Variants in UNC13C observed in about 807,000 individuals in gnomAD.
UNC13C encodes protein unc-13 homolog C.
In UNC13C, 174 loss-of-function variants were observed where a neutral mutation model predicts 245.4. That is an observed-to-expected ratio of 0.71 (90% confidence interval 0.63 to 0.80). The LOEUF (loss-of-function observed/expected upper bound fraction) is 0.80, where lower values mean the gene tolerates loss of function less well. UNC13C is among the 30% of genes least tolerant of loss of function. The probability of loss-of-function intolerance (pLI) is 0.00; values close to 1 mark genes in which losing one functional copy is unlikely to be tolerated. For missense variants in UNC13C, 2,829 were observed against 2,602.9 expected, an observed-to-expected ratio of 1.09 and a Z score of -1.89; for synonymous variants, 992 against 895.1, an observed-to-expected ratio of 1.11 and a Z score of -1.93.
At chr15:54,360,873 G>C (rs1027014162) in intron 17 of UNC13C, among the ~76,000 whole-genome samples, 1 of 152,138 alleles carries the variant, frequency 6.6e-6, no homozygotes, top group Non-Finnish European at 1.5e-5. Flanking sequence ...GTTCTCTGCT[G>C]TTGCTGTTTT....
At chr15:54,551,099 C>G (rs557848898) in intron 28 of UNC13C, among the ~76,000 whole-genome samples, 5 of 152,088 alleles carry the variant, frequency 3.3e-5, no homozygotes, top group African/African-American at 7.2e-5. Flanking sequence ...AGGGGTAACT[C>G]TGGTTTCTGT....
chr15:53,973,381 A>T (rs939207862), upstream of UNC13C, among the ~76,000 whole-genome samples: 5 of 152,122 alleles, frequency 3.3e-5, no homozygotes, highest in African/African-American at 1.2e-4. Flanking sequence ...ATCTCATTTG[A>T]TTCATCAGCA....
At chr15:54,078,974 A>C (rs1898785857) in intron 2 of UNC13C, among the ~76,000 whole-genome samples, 1 of 152,026 alleles carries the variant, frequency 6.6e-6, no homozygotes, top group South Asian at 2.1e-4. Flanking sequence ...ACCCATCTTG[A>C]GTTAATTTTT....
chr15:54,616,780 G>C (rs1002538202), intron 30 of UNC13C, among the ~76,000 whole-genome samples: 1 of 152,032 alleles, frequency 6.6e-6, no homozygotes, highest in Non-Finnish European at 1.5e-5. Context: ...TAGAGAGTCT[G>C]CAGGGGGTAC....
chr15:54,297,368 A>C (rs546374904), intron 11 of UNC13C, among the ~76,000 whole-genome samples: 1 of 152,214 alleles, frequency 6.6e-6, no homozygotes, highest in East Asian at 1.9e-4. Context: ...GCATTTTTAA[A>C]TAGAGACAGG....
At chr15:53,988,992 C>T (rs942090090) in intron 1 of UNC13C, among the ~76,000 whole-genome samples, 1 of 151,842 alleles carries the variant, frequency 6.6e-6, no homozygotes, top group Non-Finnish European at 1.5e-5. Context: ...GCTAGATTCC[C>T]CTTGAATATA....
chr15:54,444,608 C>T (rs868130752), intron 19 of UNC13C, among the ~76,000 whole-genome samples: 4 of 151,488 alleles, frequency 2.6e-5, no homozygotes, highest in Admixed American at 2.6e-4. Flanking sequence ...CTTTGTTTCA[C>T]TTTTTCTCTC....
rs1405067313 is a variant in UNC13C at position 54,473,438 on chromosome 15, C to G, written c.4934-21170C>G. 2.6e-5 allele frequency among the ~76,000 whole-genome samples: 4 copies of G among 151,840 alleles called. No individual in the cohort carries two copies. The South Asian group carries it at 6.2e-4, about 24-fold the overall frequency. On this transcript the variant is annotated intron_variant, in intron 19 of 32. Transcript: ENST00000260323. ...TAGTTACCCCCGCTGTGCTGGCAAA[C>G]ACTACAACTTTCTTATTCTTTCTTT...
chr15:54,621,032 TTC>T (rs1240073331), intron 30 of UNC13C, among the ~76,000 whole-genome samples: 2 of 152,176 alleles, frequency 1.3e-5, no homozygotes, highest in Non-Finnish European at 2.9e-5. Flanking sequence ...AGTGACCACT[TTC>T]TGTCTTCCAG....
chr15:54,553,386 A>G (rs1413394598), intron 28 of UNC13C, among the ~76,000 whole-genome samples: 1 of 123,070 alleles, frequency 8.1e-6, no homozygotes, highest in Non-Finnish European at 1.6e-5. Flanking sequence ...TATATTATGT[A>G]TTAGTATATT....
intron 27 of UNC13C, among the ~76,000 whole-genome samples, chr15:54,548,654 T>C (rs1299440263): frequency 1.3e-5 from 2 of 152,118 alleles, no homozygotes; most frequent in Non-Finnish European, 1.5e-5. Flanking sequence ...TAGTGTGCAA[T>C]TTTGTAGAAT....
the UNC13C span, among the ~76,000 whole-genome samples, chr15:53,849,594 C>CT: frequency 3.3e-5 from 5 of 151,740 alleles, no homozygotes; most frequent in Admixed American, 3.3e-4. Flanking sequence ...TATATTTTTT[C>CT]TTTTTTTTCC....
intron 26 of UNC13C, among the ~76,000 whole-genome samples, chr15:54,535,347 G>C (rs1312011941): frequency 1.3e-5 from 2 of 151,918 alleles, no homozygotes; most frequent in Non-Finnish European, 2.9e-5. Flanking sequence ...CCTAACACTG[G>C]AGTATCTGGA....
chr15:54,525,813 T>C (rs73421545), intron 25 of UNC13C, among the ~76,000 whole-genome samples, 176 bp downstream of exon 25: 8,011 of 152,278 alleles, frequency 0.053, 652 homozygotes, highest in African/African-American at 0.18. Flanking sequence ...AGTGCTATCT[T>C]GCTATGCACT....
At chr15:53,962,778 A>T in the UNC13C span, among the ~76,000 whole-genome samples, 3 of 152,176 alleles carry the variant, frequency 2.0e-5, no homozygotes, top group Non-Finnish European at 4.4e-5. Context: ...CTTCAGACAT[A>T]AATAGAATCA....
chr15:54,355,414 T>C (rs1402238166), intron 17 of UNC13C, among the ~76,000 whole-genome samples: 1 of 152,132 alleles, frequency 6.6e-6, no homozygotes, highest in Admixed American at 6.6e-5. Context: ...TGGAGTGCCA[T>C]GGCGCGATCT....
At chr15:54,433,669 G>C (rs1456288489) in intron 19 of UNC13C, among the ~76,000 whole-genome samples, 1 of 151,992 alleles carries the variant, frequency 6.6e-6, no homozygotes, top group Non-Finnish European at 1.5e-5. Flanking sequence ...TTTGAAAACT[G>C]GCACAAGGCA....
the UNC13C span, among the ~76,000 whole-genome samples, chr15:53,840,653 C>G: frequency 6.6e-6 from 1 of 152,150 alleles, no homozygotes; most frequent in Non-Finnish European, 1.5e-5. Flanking sequence ...TCTAATAACA[C>G]TTGCATGCCT....
rs141978553 is a variant in UNC13C at position 54,270,523 on chromosome 15, A to G, written c.3818+5027A>G. Among the ~76,000 whole-genome samples the G allele has an allele frequency of 3.8e-3, 572 of 152,282 alleles. 6 individuals carry two copies. Among genetic ancestry groups the G allele is most frequent in the African/African-American group, 0.013 (544 of 41,552 alleles). On this transcript the variant is annotated intron_variant, in intron 10 of 32. Transcript: ENST00000260323. The stretch of plus-strand genomic sequence containing the variant: ...GTTAAGTGTTAAAAATGATAGCTGT[A>G]TTATTATTAGCATTAATAACATGAT...
Sources: gnomAD v4.1 joint callset for allele counts (sites outside exome capture counted in the v4.1 genomes callset) on GRCh38, gnomAD v4.1.1 for gene constraint, MANE v1.5 for transcripts, NCBI Gene and HGNC (gene_info 2026-07-23, HGNC 2026-07-21) for gene names.